The following GRID2 variants were observed in gnomAD, a reference collection of about 807,000 sequenced individuals.
The protein encoded by GRID2 is glutamate receptor ionotropic, delta-2.
In GRID2, 33 loss-of-function variants were observed where a neutral mutation model predicts 114.8. The observed-to-expected ratio is 0.29, with a 90% CI of 0.22 to 0.38. The LOEUF is 0.38. Ranked by LOEUF, GRID2 falls within the 10% of genes least tolerant of loss-of-function variation. The pLI, the probability that GRID2 is intolerant of heterozygous loss-of-function variation, is 1.00. For missense variants in GRID2, 1,184 were observed against 1,257.7 expected, an observed-to-expected ratio of 0.94 and a Z score of 0.89; for synonymous variants, 505 against 449.9, an observed-to-expected ratio of 1.12 and a Z score of -1.55.
chr4:92,556,038 A>C (rs1290400640), intron 1 of GRID2, among the ~76,000 whole-genome samples: 1 of 152,110 alleles, frequency 6.6e-6, no homozygotes, highest in East Asian at 1.9e-4. Flanking sequence ...AAGGAGACCC[A>C]AATCTAATCT....
chr4:93,633,900 G>A (rs1258281961), intron 14 of GRID2, among the ~76,000 whole-genome samples: 1 of 152,084 alleles, frequency 6.6e-6, no homozygotes, highest in Non-Finnish European at 1.5e-5. Context: ...ATTCAGCAAG[G>A]GGAAAAAAGC....
intron 2 of GRID2, among the ~76,000 whole-genome samples, chr4:92,661,627 C>T (rs762019208): frequency 6.2e-4 from 94 of 151,058 alleles, no homozygotes; most frequent in Non-Finnish European, 1.3e-3. Context: ...ATTTACAAAT[C>T]ATACCTGATT....
chr4:93,533,449 C>CT (rs571547249), intron 13 of GRID2, among the ~76,000 whole-genome samples: 335 of 149,860 alleles, frequency 2.2e-3, no homozygotes, highest in Non-Finnish European at 3.6e-3. Context: ...TCTCAGCTCA[C>CT]TGCAACCTCT....
chr4:93,062,048 G>A (rs1727855585), intron 2 of GRID2, among the ~76,000 whole-genome samples: 1 of 152,082 alleles, frequency 6.6e-6, no homozygotes, highest in Non-Finnish European at 1.5e-5. Flanking sequence ...GTCTGATTAA[G>A]GTGGACATTG....
chr4:93,558,742 A>G (rs1247972342), intron 13 of GRID2, among the ~76,000 whole-genome samples: 1 of 152,222 alleles, frequency 6.6e-6, no homozygotes, highest in Non-Finnish European at 1.5e-5. Context: ...TTATGAGGCC[A>G]GCATCATCCT....
At chr4:92,958,349 G>T (rs1258765936) in intron 2 of GRID2, among the ~76,000 whole-genome samples, 1 of 151,950 alleles carries the variant, frequency 6.6e-6, no homozygotes, top group East Asian at 1.9e-4. Flanking sequence ...TATGATGAAT[G>T]ACTGAGAGAT....
At chr4:92,844,675 C>T (rs1204422675) in intron 2 of GRID2, among the ~76,000 whole-genome samples, 3 of 144,782 alleles carry the variant, frequency 2.1e-5, no homozygotes, top group Non-Finnish European at 4.5e-5. Context: ...CACTGCACTC[C>T]AGCCTGTGCA....
chr4:93,095,940 C>A (rs1303707297), intron 3 of GRID2, among the ~76,000 whole-genome samples: 1 of 151,914 alleles, frequency 6.6e-6, no homozygotes, highest in African/African-American at 2.4e-5. Flanking sequence ...ATAGCCGCAA[C>A]AATTGAAAGA....
intron 2 of GRID2, among the ~76,000 whole-genome samples, chr4:92,816,630 G>A (rs1740936110): frequency 6.6e-6 from 1 of 152,076 alleles, no homozygotes; most frequent in African/African-American, 2.4e-5. Flanking sequence ...AAGAAATGAT[G>A]CGTAAATATT....
chr4:92,815,991 CACAAACAAAAGA>C (rs1740883893), intron 2 of GRID2, among the ~76,000 whole-genome samples: 1 of 144,302 alleles, frequency 6.9e-6, no homozygotes, highest in Non-Finnish European at 1.5e-5. Context: ...AAAAACCCCT[CACAAACAAAAGA>C]GCAATATTGT....
At chr4:92,560,783 T>C (rs547606930) in intron 1 of GRID2, among the ~76,000 whole-genome samples, 5 of 152,102 alleles carry the variant, frequency 3.3e-5, no homozygotes, top group Non-Finnish European at 7.4e-5. Flanking sequence ...CTCAGCTCAC[T>C]GCAACCTCCA....
intron 7 of GRID2, among the ~76,000 whole-genome samples, chr4:93,233,438 G>A (rs541610543): frequency 2.0e-5 from 3 of 151,620 alleles, no homozygotes; most frequent in Non-Finnish European, 4.4e-5. Flanking sequence ...TGCCTCCTGG[G>A]TTCAAGTGAT....
chr4:92,917,272 A>T (rs1748885794), intron 2 of GRID2, among the ~76,000 whole-genome samples: 1 of 152,066 alleles, frequency 6.6e-6, no homozygotes, highest in Admixed American at 6.6e-5. Flanking sequence ...CCTTTGTCAG[A>T]TGAGTAGATT....
chr4:92,736,481 A>G (rs941845069), intron 2 of GRID2, among the ~76,000 whole-genome samples: 7 of 152,152 alleles, frequency 4.6e-5, no homozygotes, highest in African/African-American at 1.7e-4. Flanking sequence ...GTTCTAAAAA[A>G]GATAAAGAGC....
At chr4:92,691,288 T>C (rs923905139) in intron 2 of GRID2, among the ~76,000 whole-genome samples, 2 of 152,136 alleles carry the variant, frequency 1.3e-5, no homozygotes, top group South Asian at 4.1e-4. Flanking sequence ...TCTTTATATG[T>C]AACTTTGCAG....
At chr4:93,071,597 G>A (rs781382421) in intron 2 of GRID2, among the ~76,000 whole-genome samples, 5 of 152,216 alleles carry the variant, frequency 3.3e-5, no homozygotes, top group Non-Finnish European at 5.9e-5. Context: ...GAAGAAATAA[G>A]ATGAAGGAAT....
intron 14 of GRID2, among the ~76,000 whole-genome samples, chr4:93,748,131 A>G (rs571432314): frequency 7.2e-5 from 11 of 152,308 alleles, no homozygotes; most frequent in Non-Finnish European, 1.0e-4. Flanking sequence ...AAAATGAGCT[A>G]TAAAATTAAC....
chr4:93,716,810 A>T (rs957610712), intron 14 of GRID2, among the ~76,000 whole-genome samples: 1 of 152,098 alleles, frequency 6.6e-6, no homozygotes, highest in Admixed American at 6.6e-5. Context: ...TTTAAAAGTT[A>T]TTGCTTAAAT....
At chr4:93,007,445 A>G (rs977358318) in intron 2 of GRID2, among the ~76,000 whole-genome samples, 21 of 152,296 alleles carry the variant, frequency 1.4e-4, no homozygotes, top group African/African-American at 5.1e-4. Context: ...AATAGTCAAA[A>G]TAAAGCAGCA....
Sources: gnomAD v4.1 joint callset for allele counts (sites outside exome capture counted in the v4.1 genomes callset) on GRCh38, gnomAD v4.1.1 for gene constraint, MANE v1.5 for transcripts, NCBI Gene and HGNC (gene_info 2026-07-23, HGNC 2026-07-21) for gene names.